Variants in TENM2 observed in about 807,000 individuals in gnomAD.
TENM2 encodes teneurin-2.
In TENM2, 52 loss-of-function variants were observed where a neutral mutation model predicts 245.2. The ratio of observed to expected loss-of-function variants is 0.21; its 90% CI spans 0.17 to 0.27. TENM2 has a LOEUF of 0.27. Among genes scored for constraint, TENM2 ranks in the 10% least tolerant of loss-of-function variants. The pLI is 1.00. For missense variants in TENM2, 3,046 were observed against 3,666.8 expected, an observed-to-expected ratio of 0.83 and a Z score of 4.37; for synonymous variants, 1,363 against 1,438.9, an observed-to-expected ratio of 0.95 and a Z score of 1.19.
intron 2 of TENM2, among the ~76,000 whole-genome samples, chr5:167,729,565 G>A (rs960799951): frequency 6.6e-6 from 1 of 152,076 alleles, no homozygotes; most frequent in Admixed American, 6.5e-5. Context: ...TCAGCAACTG[G>A]GAAATGTCAA....
At chr5:168,066,119 G>T (rs34118922) in intron 7 of TENM2, among the ~76,000 whole-genome samples, 1 of 152,000 alleles carries the variant, frequency 6.6e-6, no homozygotes, top group Admixed American at 6.5e-5. Flanking sequence ...ACTCTGCTTC[G>T]CATGTCCCTC....
chr5:167,134,493 C>T, the TENM2 span, among the ~76,000 whole-genome samples: 1 of 152,148 alleles, frequency 6.6e-6, no homozygotes, highest in Non-Finnish European at 1.5e-5. Flanking sequence ...AACATACACT[C>T]GTTACATTCT....
chr5:167,258,874 A>G, the TENM2 span, among the ~76,000 whole-genome samples: 1 of 152,152 alleles, frequency 6.6e-6, no homozygotes, highest in Non-Finnish European at 1.5e-5. Flanking sequence ...AATGACAAAA[A>G]AAGGGTTTTT....
At chr5:167,076,349 G>A in the TENM2 span, among the ~76,000 whole-genome samples, 6 of 151,714 alleles carry the variant, frequency 4.0e-5, no homozygotes, top group South Asian at 8.5e-4. Flanking sequence ...GAAGATAAAA[G>A]AGAAAGACAG....
At position 168,091,230 on chromosome 5, in the gene TENM2, A is replaced by G. The variant is rs538338851; in HGVS notation, c.1711+461A>G. Among the ~76,000 whole-genome samples the G allele has an allele frequency of 7.7e-4, 118 of 152,336 alleles. 1 individual carries two copies. Among genetic ancestry groups the G allele is most frequent in the Admixed American group, 4.4e-3 (68 of 15,298 alleles). On this transcript the variant is annotated intron_variant, in intron 8 of 28. Coordinates refer to ENST00000518659, the Ensembl canonical transcript of TENM2. Reference sequence around the variant, plus strand: ...TCTTAAAAATTAAGGGAACCTCAAAATACTAATAAAAAGTGATTTTTAAAA... The same window carrying G: ...TCTTAAAAATTAAGGGAACCTCAAAGTACTAATAAAAAGTGATTTTTAAAA...
At chr5:167,281,947 C>A (rs563767318), upstream of TENM2, among the ~76,000 whole-genome samples, 1 of 140,428 alleles carries the variant, frequency 7.1e-6, no homozygotes, top group African/African-American at 2.7e-5. Flanking sequence ...ATGCAGTGAG[C>A]GGAGATCACG....
chr5:167,295,599 A>G (rs1754904128), intron 1 of TENM2, among the ~76,000 whole-genome samples: 1 of 152,196 alleles, frequency 6.6e-6, no homozygotes, highest in South Asian at 2.1e-4. Flanking sequence ...TCACACTGAT[A>G]TTATCAAAGG....
chr5:168,181,865 C>CG (rs1457719111), intron 13 of TENM2, among the ~76,000 whole-genome samples: 1 of 151,702 alleles, frequency 6.6e-6, no homozygotes, highest in Non-Finnish European at 1.5e-5. Flanking sequence ...TTAGTAGAGA[C>CG]GGGGTTTCAT....
intron 2 of TENM2, among the ~76,000 whole-genome samples, chr5:167,564,701 G>C (rs1773793984): frequency 6.6e-6 from 1 of 152,172 alleles, no homozygotes; most frequent in Admixed American, 6.5e-5. Flanking sequence ...TAGCTGGTGG[G>C]TTTCATGGGG....
exon 1 of TENM2, chr5:167,284,937 G>T (rs773543508): frequency 3.9e-6 from 6 of 1,551,594 alleles, no homozygotes; most frequent in East Asian, 2.4e-5. Context: ...GGACTGCCGC[G>T]TGCCCACACA....
chr5:167,447,446 CT>C, intron 2 of TENM2, among the ~76,000 whole-genome samples: 1 of 152,242 alleles, frequency 6.6e-6, no homozygotes, highest in African/African-American at 2.4e-5. Context: ...GTTTGTTTCT[CT>C]TTGCTTGTTT....
the TENM2 span, among the ~76,000 whole-genome samples, chr5:167,084,327 T>TTTTATATATATATATA: frequency 1.4e-3 from 32 of 23,182 alleles, 1 homozygote; most frequent in South Asian, 5.0e-3. Context: ...GCCATTTTAG[T>TTTTATATATATATATA]TATATATATA....
At chr5:167,758,335 T>C (rs1000779571) in intron 2 of TENM2, among the ~76,000 whole-genome samples, 15 of 152,208 alleles carry the variant, frequency 9.9e-5, no homozygotes, top group African/African-American at 3.6e-4. Flanking sequence ...CTCTCTGCCT[T>C]GGAAGCTGAC....
At chr5:167,272,783 A>C in the TENM2 span, among the ~76,000 whole-genome samples, 1 of 152,310 alleles carries the variant, frequency 6.6e-6, no homozygotes, top group East Asian at 1.9e-4. Flanking sequence ...TCATTTTAGA[A>C]GACACAAATA....
the TENM2 span, among the ~76,000 whole-genome samples, chr5:167,058,316 A>T: frequency 6.6e-6 from 1 of 152,194 alleles, no homozygotes; most frequent in Admixed American, 6.6e-5. Context: ...TGATTGACTC[A>T]TATATTCTAT....
intron 2 of TENM2, among the ~76,000 whole-genome samples, chr5:167,378,278 T>C (rs1220495814): frequency 6.6e-6 from 1 of 152,112 alleles, no homozygotes; most frequent in African/African-American, 2.4e-5. Context: ...TAGATCAATG[T>C]TGATTGTGCT....
intron 6 of TENM2, among the ~76,000 whole-genome samples, chr5:168,048,650 G>A (rs1416373225): frequency 3.3e-5 from 5 of 152,184 alleles, no homozygotes; most frequent in African/African-American, 4.8e-5. Flanking sequence ...TTTCCTTCAA[G>A]CAGTCATTTT....
the TENM2 span, among the ~76,000 whole-genome samples, chr5:167,147,298 A>G: frequency 1.2e-4 from 18 of 152,174 alleles, no homozygotes; most frequent in African/African-American, 4.3e-4. Flanking sequence ...TTCATCATCA[A>G]TCATCATCCA....
the TENM2 span, among the ~76,000 whole-genome samples, chr5:167,119,304 T>G: frequency 6.6e-6 from 1 of 152,208 alleles, no homozygotes; most frequent in Non-Finnish European, 1.5e-5. Flanking sequence ...GTGGTGGTGA[T>G]TTAACGCAAG....
Sources: allele counts gnomAD v4.1 joint callset (sites outside exome capture counted in the v4.1 genomes callset), GRCh38; gene constraint gnomAD v4.1.1; transcripts MANE v1.5; gene names NCBI Gene and HGNC (gene_info 2026-07-23, HGNC 2026-07-21).